Variants in ESF1 observed in about 807,000 individuals in gnomAD.
ESF1 encodes the protein ESF1 homolog.
In ESF1, 58 loss-of-function variants were observed where a neutral mutation model predicts 92.0. The ratio of observed to expected loss-of-function variants is 0.63; its 90% confidence interval spans 0.51 to 0.78. The LOEUF (loss-of-function observed/expected upper bound fraction) is 0.78, where lower values mean the gene tolerates loss of function less well. ESF1 is among the 30% of genes least tolerant of loss of function. ESF1 has a pLI of 0.00. For synonymous variants in ESF1, 321 were observed against 313.7 expected (o/e 1.02, Z -0.24); for missense variants, 922 against 989.1 (o/e 0.93, Z 0.91).
chr20:13,775,996 C>A lies in ESF1; in HGVS notation c.912G>T (p.Arg304Ser). 10 of 1,613,894 alleles carry A rather than the reference C, an allele frequency of 6.2e-6. No individual in the cohort carries two copies. Among genetic ancestry groups the A allele is most frequent in the Non-Finnish European group, 8.5e-6 (10 of 1,179,918 alleles). The change falls in exon 3 of 14, where the codon AGG (arginine) becomes AGT (serine). Residue 304 changes from arginine to serine, a missense_variant. By Grantham distance (110) the Arg-to-Ser change is moderately radical (BLOSUM62 -1). Coordinates refer to ENST00000617257, the MANE Select transcript of ESF1 (RefSeq NM_001276380.2). ...AACTAGTTTCTATATTTCCTTTACC[C>A]CTTGCAAGATCAGGGCCACTGTCAC... ...DKSDSGPDLARGKGNIETSSE... is the reference protein window; with the variant it reads ...DKSDSGPDLASGKGNIETSSE...
intron 10 of ESF1, among the ~76,000 whole-genome samples, chr20:13,733,398 T>C (rs190710066): frequency 1.2e-4 from 19 of 152,362 alleles, no homozygotes; most frequent in Admixed American, 5.2e-4. Flanking sequence ...TATGTACCTC[T>C]TTTGCTCAGA....
At position 13,751,458 on chromosome 20, in the gene ESF1, G is replaced by A. The variant is rs368247758; in HGVS notation, c.1828+8234C>T. Among the ~76,000 whole-genome samples, 56 of 152,244 alleles carry A rather than the reference G, an allele frequency of 3.7e-4. 1 individual carries two copies. The highest frequency in any genetic ancestry group is 1.2e-3 in the African/African-American group (49 of 41,540). ...GGTATTAACAGTATAGTCTAGAAAC[G>A]GTGGCTACACATGCAAACAGCGGGA... On this transcript the variant is annotated intron_variant, in intron 9 of 13. Coordinates refer to ENST00000617257, the MANE Select transcript of ESF1 (RefSeq NM_001276380.2).
rs200844072 is a variant in ESF1 at position 13,751,908 on chromosome 20, C to T, written c.1828+7784G>A. ...TACTCAGGAGGCTGAGGCAGGAGAA[C>T]CACTTGAACCTACGAGGCGGAGGTT... is the stretch of plus-strand genomic sequence containing the variant. On this transcript the variant is annotated intron_variant, in intron 9 of 13. Coordinates refer to ENST00000617257, the MANE Select transcript of ESF1 (RefSeq NM_001276380.2). Among the ~76,000 whole-genome samples the T allele has an allele frequency of 3.9e-5, 6 of 152,126 alleles. No individual in the cohort carries two copies. The East Asian group carries it at 9.7e-4, about 25-fold the overall frequency.
rs750919119 is a variant in ESF1 at position 13,771,328 on chromosome 20, T to G, written c.1403+3A>C. On this transcript the variant is annotated splice_donor_region_variant and intron_variant, in intron 6 of 13. Coordinates refer to ENST00000617257, the MANE Select transcript of ESF1 (RefSeq NM_001276380.2). The stretch of plus-strand genomic sequence containing the variant: ...TAAATTGGTAATACATACACTGGAT[T>G]ACCTTAGATCTATGAAAGAACAACT... 3.7e-6 allele frequency: 6 copies of G among 1,610,196 alleles called. No individual in the cohort carries two copies. In the South Asian group the frequency reaches 6.6e-5, roughly 18 times the overall value.
At chr20:13,760,310 G>A (rs1183444190) in intron 8 of ESF1, among the ~76,000 whole-genome samples, 4 of 151,546 alleles carry the variant, frequency 2.6e-5, no homozygotes, top group Non-Finnish European at 5.9e-5. Flanking sequence ...AGGAAGTGAG[G>A]AGCGCCTCTT....
intron 5 of ESF1, 118 bp downstream of exon 5, chr20:13,772,397 T>C: frequency 1.4e-6 from 1 of 721,486 alleles, no homozygotes; most frequent in East Asian, 2.5e-5. Context: ...TTGCAACCTG[T>C]TTTAACCACG....
At chr20:13,768,210 C>T (rs1442824925) in intron 7 of ESF1, among the ~76,000 whole-genome samples, 2 of 152,234 alleles carry the variant, frequency 1.3e-5, no homozygotes. Context: ...TACAGCTACT[C>T]TCTCTGCTAC....
At position 13,737,978 on chromosome 20, in the gene ESF1, G is replaced by A. The variant is rs141656058; in HGVS notation, c.1829-4136C>T. On this transcript the variant is annotated intron_variant, in intron 9 of 13. Transcript: ENST00000617257. The stretch of plus-strand genomic sequence containing the variant: ...GCCGAACAGAGTATAAGGATTTTTA[G>A]AGGAAAACCACTGGCCATGCCCTGA... Among the ~76,000 whole-genome samples the A allele has an allele frequency of 5.3e-5, 8 of 152,244 alleles. 1 individual carries two copies. In the East Asian group the frequency reaches 1.5e-3, roughly 29 times the overall value.
At chr20:13,755,751 T>C (rs1041970927) in intron 9 of ESF1, among the ~76,000 whole-genome samples, 2 of 152,204 alleles carry the variant, frequency 1.3e-5, no homozygotes, top group African/African-American at 2.4e-5. Flanking sequence ...ATTCCAGTTG[T>C]TATGCCCACA....
chr20:13,752,098 C>T (rs1978665675), intron 9 of ESF1, among the ~76,000 whole-genome samples: 2 of 152,182 alleles, frequency 1.3e-5, no homozygotes, highest in Admixed American at 1.3e-4. Flanking sequence ...AAATTACCAG[C>T]AATCACATGG....
intron 9 of ESF1, among the ~76,000 whole-genome samples, chr20:13,734,084 A>AT (rs2049961295): frequency 6.6e-6 from 1 of 152,186 alleles, no homozygotes; most frequent in Non-Finnish European, 1.5e-5. Context: ...ACAAACCAAC[A>AT]AACAAACCTA....
chr20:13,755,173 T>TG (rs1189400262), intron 9 of ESF1, among the ~76,000 whole-genome samples: 3 of 152,156 alleles, frequency 2.0e-5, no homozygotes, highest in Non-Finnish European at 4.4e-5. Context: ...AAGTATTTGA[T>TG]GGAGTAAGGA....
In ESF1 at chr20:13,727,667, A is replaced by ATACGCATTTCCAT. The variant is rs546540141; in HGVS notation, c.2038+710_2038+711insATGGAAATGCGTA. ...TGAACCTTACCAAACACATTTACAC[A>ATACGCATTTCCAT]TACGCATTTCCTCCACATAATGGAG... is the stretch of plus-strand genomic sequence containing the variant. On this transcript the variant is annotated intron_variant, in intron 11 of 13. Transcript: ENST00000617257. Among the ~76,000 whole-genome samples the ATACGCATTTCCAT allele has an allele frequency of 1.6e-4, 24 of 152,310 alleles. No individual in the cohort carries two copies. The East Asian group carries it at 4.3e-3, about 27-fold the overall frequency.
At chr20:13,719,660 A>T (rs537107730) in intron 11 of ESF1, among the ~76,000 whole-genome samples, 1 of 152,174 alleles carries the variant, frequency 6.6e-6, no homozygotes, top group Non-Finnish European at 1.5e-5. Flanking sequence ...TTAAATATCA[A>T]ACAAAATAAA....
chr20:13,765,112 A>G (rs113650182), intron 8 of ESF1, among the ~76,000 whole-genome samples: 49 of 152,262 alleles, frequency 3.2e-4, no homozygotes, highest in African/African-American at 1.2e-3. Flanking sequence ...AGTCCCAGCT[A>G]CTTGGGAGGC....
chr20:13,725,073 CAATT>C (rs1427616095), intron 11 of ESF1, among the ~76,000 whole-genome samples: 1 of 152,148 alleles, frequency 6.6e-6, no homozygotes, highest in Non-Finnish European at 1.5e-5. Flanking sequence ...TTAAAATTGA[CAATT>C]AATTGAATCA....
At chr20:13,755,851 C>A (rs866936029) in intron 9 of ESF1, among the ~76,000 whole-genome samples, 1 of 152,190 alleles carries the variant, frequency 6.6e-6, no homozygotes, top group African/African-American at 2.4e-5. Context: ...AAAGGTAGAA[C>A]GTTTAAATAG....
intron 10 of ESF1, 60 bp downstream of exon 10, chr20:13,733,661 G>A (rs2049957809): frequency 4.6e-6 from 7 of 1,505,410 alleles, no homozygotes; most frequent in Non-Finnish European, 6.3e-6. Context: ...CCAAGCACCT[G>A]GTACCATCTG....
rs943055236 is a variant in ESF1 at position 13,724,091 on chromosome 20, T to C, written c.2038+4287A>G. 3.3e-5 allele frequency among the ~76,000 whole-genome samples: 5 copies of C among 152,270 alleles called. No individual in the cohort carries two copies. The East Asian group carries it at 5.8e-4, about 18-fold the overall frequency. ...GCGCGGATCACCTGAAGTCAGGAGT[T>C]CAAGACCAGCCTGGCCAACATGGTG... On this transcript the variant is annotated intron_variant, in intron 11 of 13. Transcript: ENST00000617257.
Sources: allele counts gnomAD v4.1 joint callset (sites outside exome capture counted in the v4.1 genomes callset), GRCh38; gene constraint gnomAD v4.1.1; transcripts MANE v1.5; gene names NCBI Gene and HGNC (gene_info 2026-07-23, HGNC 2026-07-21).